Variants in TTPA observed in about 807,000 individuals in gnomAD.
TTPA encodes alpha tocopherol transfer protein, also known as alpha-tocopherol transfer protein.
A neutral mutation model predicts 25.9 loss-of-function variants in TTPA; 23 were observed. The observed-to-expected ratio is 0.89, with a 90% CI of 0.64 to 1.26. The LOEUF is 1.26. TTPA is among the 50% of genes most tolerant of loss of function. TTPA has a pLI of 0.00. For missense variants in TTPA, 337 were observed against 353.1 expected, an observed-to-expected ratio of 0.95 and a Z score of 0.37; for synonymous variants, 148 against 137.3, an observed-to-expected ratio of 1.08 and a Z score of -0.54.
rs185607064 is a variant in TTPA, at chr8:63,079,778, G to A, written c.204+6040C>T. ...CAGATCAATGAGACAGAAGGTTAAC[G>A]AGGATATCCAGGACTTGAACTCAGC... On this transcript the variant is annotated intron_variant, in intron 1 of 4. Transcript: ENST00000260116. Among the ~76,000 whole-genome samples the A allele has an allele frequency of 1.8e-3, 278 of 152,118 alleles. 1 individual carries two copies. Among genetic ancestry groups the A allele is most frequent in the African/African-American group, 6.3e-3 (260 of 41,496 alleles).
intron 2 of TTPA, among the ~76,000 whole-genome samples, chr8:63,067,185 G>GT (rs987018458): frequency 2.0e-5 from 3 of 152,046 alleles, no homozygotes; most frequent in East Asian, 1.9e-4. Flanking sequence ...AAAAAGATAA[G>GT]TTTTTTAAAA....
intron 1 of TTPA, among the ~76,000 whole-genome samples, chr8:63,084,314 A>C (rs994269779): frequency 1.5e-4 from 23 of 152,222 alleles, no homozygotes; most frequent in African/African-American, 5.5e-4. Flanking sequence ...ATTTATGCAC[A>C]AAGTATGAGG....
chr8:63,062,623 G>T (rs72659812), intron 4 of TTPA, among the ~76,000 whole-genome samples: 1 of 152,194 alleles, frequency 6.6e-6, no homozygotes, highest in Non-Finnish European at 1.5e-5. Context: ...AGTTAAAAAG[G>T]AAAAAAGTGG....
At chr8:63,064,356 A>C in intron 3 of TTPA, 40 bp from the exon 4 acceptor site, 1 of 1,378,606 alleles carries the variant, frequency 7.3e-7, no homozygotes, top group Non-Finnish European at 1.0e-6. Flanking sequence ...AAACATAAAT[A>C]TTACAATCTG....
intron 2 of TTPA, among the ~76,000 whole-genome samples, chr8:63,070,524 A>G (rs1324321463): frequency 6.6e-6 from 1 of 152,228 alleles, no homozygotes; most frequent in African/African-American, 2.4e-5. Flanking sequence ...ATCCTAGAAT[A>G]ACAGAACATA....
At chr8:63,075,421 A>T (rs1805546380) in intron 1 of TTPA, among the ~76,000 whole-genome samples, 1 of 152,116 alleles carries the variant, frequency 6.6e-6, no homozygotes, top group African/African-American at 2.4e-5. Context: ...TTATAAGAAT[A>T]AGAAAAGTAA....
downstream of TTPA, among the ~76,000 whole-genome samples, chr8:63,059,404 C>T (rs1053743092): frequency 2.6e-5 from 4 of 152,128 alleles, no homozygotes; most frequent in Non-Finnish European, 4.4e-5. Flanking sequence ...AAAACACGTT[C>T]TCTAAAGAAC....
In TTPA at chr8:63,081,211, T is replaced by C. The variant is rs188221164; in HGVS notation, c.204+4607A>G. Reference sequence around the variant, plus strand: ...AAAAAAAGAGAATTTTAGATGAATATCCCTGATGAACATCGATGCAAAAAT... The same window carrying C: ...AAAAAAAGAGAATTTTAGATGAATACCCCTGATGAACATCGATGCAAAAAT... On this transcript the variant is annotated intron_variant, in intron 1 of 4. Transcript: ENST00000260116. 4.6e-3 allele frequency among the ~76,000 whole-genome samples: 700 copies of C among 152,122 alleles called. 6 individuals are homozygous for C. Among genetic ancestry groups the C allele is most frequent in the African/African-American group, 0.016 (671 of 41,474 alleles).
chr8:63,080,115 A>C (rs1805636462), intron 1 of TTPA, among the ~76,000 whole-genome samples: 1 of 152,342 alleles, frequency 6.6e-6, no homozygotes, highest in Non-Finnish European at 1.5e-5. Context: ...ATGTTCTTTG[A>C]AACCAATGAG....
At chr8:63,079,169 G>C (rs1420507455) in intron 1 of TTPA, among the ~76,000 whole-genome samples, 2 of 152,132 alleles carry the variant, frequency 1.3e-5, no homozygotes, top group Non-Finnish European at 2.9e-5. Flanking sequence ...CCTTACAAGA[G>C]CTCCTGAAAG....
intron 1 of TTPA, among the ~76,000 whole-genome samples, chr8:63,080,919 CAT>C (rs1805653801): frequency 6.6e-6 from 1 of 151,534 alleles, no homozygotes; most frequent in African/African-American, 2.4e-5. Flanking sequence ...TTCCTGGACA[CAT>C]ACACCCTCCC....
At chr8:63,069,134 A>G (rs1805442872) in intron 2 of TTPA, among the ~76,000 whole-genome samples, 1 of 152,142 alleles carries the variant, frequency 6.6e-6, no homozygotes, top group Admixed American at 6.5e-5. Context: ...AGCCTGGGCA[A>G]CAGAACAAGA....
chr8:63,072,799 T>A, intron 2 of TTPA, 136 bp downstream of exon 2: 1 of 1,015,030 alleles, frequency 9.9e-7, no homozygotes, highest in Non-Finnish European at 1.4e-6. Context: ...AAAGCCCAAA[T>A]TCCTAAAGAT....
chr8:63,064,895 C>T (rs57403824), intron 3 of TTPA, among the ~76,000 whole-genome samples: 31,071 of 152,036 alleles, frequency 0.2, 3,540 homozygotes, highest in South Asian at 0.27. Flanking sequence ...TTTATTTTTT[C>T]CATGCATCAC....
rs202136581 is a variant in TTPA at position 63,065,905 on chromosome 8, G to A, written c.551C>T (p.Thr184Met). ...CTGACAGTTAAAATATACATTTACCGTAAGTACAGCAGCAATCTTCTTGGC... is the reference window on the plus strand; with the variant it reads ...CTGACAGTTAAAATATACATTTACCATAAGTACAGCAGCAATCTTCTTGGC... ...SVAKKIAAVL[T>M]DSFPLKVRGI... is the part of the protein sequence containing the mutation. The change falls in exon 3 of 5, where the codon ACG (threonine) becomes ATG (methionine). Residue 184 changes from threonine to methionine, a missense_variant and splice_region_variant. Thr to Met is a moderately conservative substitution (Grantham distance 81). Transcript: ENST00000260116. 1.7e-5 allele frequency: 28 copies of A among 1,613,794 alleles called. No homozygotes were observed. Among genetic ancestry groups the A allele is most frequent in the East Asian group, 6.7e-5 (3 of 44,860 alleles).
intron 1 of TTPA, among the ~76,000 whole-genome samples, chr8:63,079,837 C>T (rs549086863): frequency 1.3e-5 from 2 of 152,232 alleles, no homozygotes; most frequent in African/African-American, 4.8e-5. Flanking sequence ...ACATCTACAG[C>T]GCTCTCCACC....
chr8:63,058,493 T>C (rs1805238316), downstream of TTPA, among the ~76,000 whole-genome samples: 1 of 152,222 alleles, frequency 6.6e-6, no homozygotes, highest in Non-Finnish European at 1.5e-5. Flanking sequence ...GAGCACATAA[T>C]ACAGTTAACC....
intron 1 of TTPA, among the ~76,000 whole-genome samples, chr8:63,074,589 C>G (rs1224361632): frequency 6.6e-6 from 1 of 152,114 alleles, no homozygotes; most frequent in Non-Finnish European, 1.5e-5. Context: ...ATTGTAGGTC[C>G]TAATATCTTC....
intron 2 of TTPA, among the ~76,000 whole-genome samples, chr8:63,068,477 A>G (rs7818912): frequency 0.018 from 2,774 of 152,310 alleles, 89 homozygotes; most frequent in African/African-American, 0.064. Flanking sequence ...TAAATGTGGT[A>G]AAAAGAAAGT....
Sources: allele counts gnomAD v4.1 joint callset (sites outside exome capture counted in the v4.1 genomes callset), GRCh38; gene constraint gnomAD v4.1.1; transcripts MANE v1.5; gene names NCBI Gene and HGNC (gene_info 2026-07-23, HGNC 2026-07-21).